The following PEX6 variants were observed in gnomAD, a reference collection of about 807,000 sequenced individuals.
PEX6 encodes peroxisomal biogenesis factor 6.
Under a neutral mutation model 85.6 loss-of-function variants are expected in PEX6, and 55 were observed. The ratio of observed to expected loss-of-function variants is 0.64; its 90% CI spans 0.52 to 0.80. The LOEUF is 0.80. Ranked by LOEUF, PEX6 falls within the 30% of genes least tolerant of loss-of-function variation. The pLI, the probability that PEX6 is intolerant of heterozygous loss-of-function variation, is 0.00. For synonymous variants in PEX6, 519 were observed against 549.1 expected (o/e 0.95, Z 0.77); for missense variants, 1,099 against 1,260.3 (o/e 0.87, Z 1.94).
chr6:42,978,762 G>A lies in PEX6; in HGVS notation c.389C>T (p.Thr130Ile). Residue 130 changes from threonine to isoleucine, a missense_variant, in exon 1 of 17, where the codon ACC becomes ATC. Physicochemically the swap from Thr to Ile is moderately conservative, Grantham distance 89. This residue lies in a region of PEX6 where 579 missense variants were observed against 611.6 expected (regional missense o/e 0.95). Transcript: ENST00000304611. Reference sequence around the variant, plus strand: ...CACCCGCGGTCCGGGCACTGGGAGGGTCTCTCCGCGCCTCACCAGCAGCGG... The same window carrying A: ...CACCCGCGGTCCGGGCACTGGGAGGATCTCTCCGCGCCTCACCAGCAGCGG... The part of the protein sequence containing the change: ...VGPLLVRRGE[T>I]LPVPGPRVLE... 1.3e-6 allele frequency: 2 copies of A among 1,534,812 alleles called. No homozygotes were observed. The highest frequency in any genetic ancestry group is 1.7e-6 in the Non-Finnish European group (2 of 1,146,644).
chr6:42,969,153 C>T lies in PEX6; in HGVS notation c.1368-168G>A, dbSNP rs552854325. Among the ~76,000 whole-genome samples the T allele has an allele frequency of 3.0e-4, 46 of 152,370 alleles. No individual in the cohort carries two copies. The East Asian group carries it at 8.7e-3, about 29-fold the overall frequency. ...CCATGTAGTGAGGCTGTGTCTCCCACACCACCTGCGGTGCTCTGGCCGGGG... is the reference window on the plus strand; with the variant it reads ...CCATGTAGTGAGGCTGTGTCTCCCATACCACCTGCGGTGCTCTGGCCGGGG... On this transcript the variant is annotated intron_variant, in intron 5 of 16. Transcript: ENST00000304611.
chr6:42,965,776 G>A lies in PEX6; in HGVS notation c.2376C>T (p.Ala792=), dbSNP rs1482565424. The A allele has an allele frequency of 6.2e-7, 1 of 1,613,744 alleles. No homozygotes were observed. Among genetic ancestry groups the A allele is most frequent in the African/African-American group, 1.3e-5 (1 of 74,898 alleles). The stretch of plus-strand genomic sequence containing the variant: ...AGATAATGCATGGAGCTGCAGCCCT[G>A]GCCCTGGCAAACACTGAAGAGAGAG... The part of the protein sequence containing the change: ...EENVREVFAR[A]RAAAPCIIFF... The change falls in exon 13 of 17, where the codon GCC becomes GCT. Residue 792 remains alanine (A), a synonymous_variant. Transcript: ENST00000304611. The surrounding 1 kb of genome is among the most constrained non-coding windows in gnomAD (Gnocchi z 5.0).
In PEX6 at chr6:42,965,408, C is replaced by T. The variant is rs1320034765; in HGVS notation, c.2472-40G>A. 1 of 1,426,700 alleles carries T rather than the reference C, an allele frequency of 7.0e-7. No individual in the cohort carries two copies. Among genetic ancestry groups the T allele is most frequent in the East Asian group, 2.3e-5 (1 of 43,972 alleles). 88.4% of individuals were successfully genotyped at this position (1,426,700 alleles called of 1,614,324 possible). Reference sequence around the variant, plus strand: ...GCAAGGGCAAGAGTCCTTGGTGTCCCCCTTAGACTCTGCCCCTGCCTGTGG... The same window carrying T: ...GCAAGGGCAAGAGTCCTTGGTGTCCTCCTTAGACTCTGCCCCTGCCTGTGG... On this transcript the variant is annotated intron_variant, in intron 13 of 16. Transcript: ENST00000304611. The surrounding 1 kb of genome is among the most constrained non-coding windows in gnomAD (Gnocchi z 5.0).
In PEX6 at chr6:42,965,974, G is replaced by C; in HGVS notation, c.2362+70C>G. 6 of 1,525,050 alleles carry C rather than the reference G, an allele frequency of 3.9e-6. No individual in the cohort carries two copies. Among genetic ancestry groups the C allele is most frequent in the Non-Finnish European group, 5.5e-6 (6 of 1,100,640 alleles). The allele number at this position is 1,525,050 out of a possible 1,614,324, so 94.5% of individuals were successfully genotyped here. ...AGGAATGATCATGAGTAGCCTGGGA[G>C]TAGGGGGTGGCTTGGGGGCCATCGG... On this transcript the variant is annotated intron_variant, in intron 12 of 16. Coordinates refer to ENST00000304611, the MANE Select transcript of PEX6 (RefSeq NM_000287.4). The surrounding 1 kb of genome is among the most constrained non-coding windows in gnomAD (Gnocchi z 5.0).
intron 3 of PEX6, among the ~76,000 whole-genome samples, chr6:42,973,417 G>A (rs896532612): frequency 6.6e-6 from 1 of 151,800 alleles, no homozygotes; most frequent in Non-Finnish European, 1.5e-5. Flanking sequence ...CTTGTTTTTT[G>A]AGACAGTGTC....
chr6:42,974,906 C>T lies in PEX6; in HGVS notation c.1015G>A (p.Gly339Ser), dbSNP rs761781513. The change falls in exon 2 of 17, where the codon GGT becomes AGT. Residue 339 changes from glycine (G) to serine (S), a missense_variant. This residue lies in a region of PEX6 where 579 missense variants were observed against 611.6 expected (regional missense o/e 0.95). Transcript: ENST00000304611. ...ATCTGAAAGTGCCGGTAAAGAACACCGTCATAATTTCCATTAGTGCTGTAG... is the reference window on the plus strand; with the variant it reads ...ATCTGAAAGTGCCGGTAAAGAACACTGTCATAATTTCCATTAGTGCTGTAG... The part of the protein sequence containing the change: ...PHYSTNGNYD[G>S]VLYRHFQIPR... 45 of 1,613,784 alleles carry T rather than the reference C, an allele frequency of 2.8e-5. No individual in the cohort carries two copies. Among genetic ancestry groups the T allele is most frequent in the Non-Finnish European group, 3.7e-5 (44 of 1,179,926 alleles).
intron 1 of PEX6, among the ~76,000 whole-genome samples, chr6:42,975,927 C>T (rs2150236906): frequency 6.6e-6 from 1 of 152,178 alleles, no homozygotes. Context: ...TCTCGCTTGT[C>T]ACCCAGGCTG....
chr6:42,976,073 T>C (rs1361528557), intron 1 of PEX6, among the ~76,000 whole-genome samples: 2 of 151,964 alleles, frequency 1.3e-5, no homozygotes, highest in African/African-American at 4.8e-5. Flanking sequence ...TTTGTATTTT[T>C]AGTAGAGACG....
rs1769940172 is a variant in PEX6, at chr6:42,968,727, G to C, written c.1479+147C>G. The C allele has an allele frequency of 3.0e-5, 23 of 779,404 alleles. No individual in the cohort carries two copies. The South Asian group carries it at 3.3e-4, about 11-fold the overall frequency. 48.3% of individuals were successfully genotyped at this position (779,404 alleles called of 1,614,324 possible). ...CTTGAAAGTACCTCTCCATAGCTCA[G>C]CATCATGGGAATATGCCTGACCCAC... On this transcript the variant is annotated intron_variant, in intron 6 of 16. Coordinates refer to ENST00000304611, the MANE Select transcript of PEX6 (RefSeq NM_000287.4).
Position 42,965,449 on chromosome 6 carries a change from G to T in PEX6, c.2472-81C>A, listed in dbSNP as rs1769738536. ...CTGCCTGTGGTACCTCTCTTTACAG[G>T]CAGTCTCAACAGGGCCCTCCACTCA... On this transcript the variant is annotated intron_variant, in intron 13 of 16. Transcript: ENST00000304611. The surrounding 1 kb of genome is among the most constrained non-coding windows in gnomAD (Gnocchi z 5.0). 1.8e-6 allele frequency: 2 copies of T among 1,135,544 alleles called. No individual in the cohort carries two copies. Among genetic ancestry groups the T allele is most frequent in the Non-Finnish European group, 2.7e-6 (2 of 747,068 alleles). The allele number at this position is 1,135,544 out of a possible 1,614,324, so 70.3% of individuals were successfully genotyped here.
Position 42,978,332 on chromosome 6 carries a change from G to T in PEX6, c.819C>A (p.Val273=), listed in dbSNP as rs748814053. ...CAAGATTAAAAGCCAAAGTGGCAGGGACAAGCGCCAGTCCGTCAGCGAGGG... is the reference window on the plus strand; with the variant it reads ...CAAGATTAAAAGCCAAAGTGGCAGGTACAAGCGCCAGTCCGTCAGCGAGGG... ...GEPLADGLAL[V]PATLAFNLGC... Residue 273 remains valine, a synonymous_variant, in exon 1 of 17, where the codon GTC becomes GTA. Transcript: ENST00000304611. 6.2e-7 allele frequency: 1 copy of T among 1,614,192 alleles called. No individual in the cohort carries two copies. Among genetic ancestry groups the T allele is most frequent in the Non-Finnish European group, 8.5e-7 (1 of 1,180,032 alleles).
At chr6:42,973,156 T>G (rs1770127412) in intron 3 of PEX6, among the ~76,000 whole-genome samples, 1 of 152,030 alleles carries the variant, frequency 6.6e-6, no homozygotes, top group Admixed American at 6.6e-5. Context: ...GGATTACAGA[T>G]GCCCACCATC....
chr6:42,965,805 G>C lies in PEX6; in HGVS notation c.2363-16C>G. On this transcript the variant is annotated splice_polypyrimidine_tract_variant and intron_variant, in intron 12 of 16. Coordinates refer to ENST00000304611, the MANE Select transcript of PEX6 (RefSeq NM_000287.4). This position sits in a 1 kb window ranked among gnomAD's most constrained non-coding sequence, Gnocchi z 5.0. ...CTGGCAAACACTGAAGAGAGAGAGG[G>C]GCCCACAGGAGGGCAAAGCTCGGCT... 2 of 1,604,428 alleles carry C rather than the reference G, an allele frequency of 1.2e-6. No individual in the cohort carries two copies. The highest frequency in any genetic ancestry group is 1.7e-6 in the Non-Finnish European group (2 of 1,171,428).
At chr6:42,973,881 C>A (rs1770157471) in intron 3 of PEX6, 122 bp downstream of exon 3, 1 of 743,994 alleles carries the variant, frequency 1.3e-6, no homozygotes, top group Non-Finnish European at 2.4e-6. Context: ...CACGCACACA[C>A]AAAATACATG....
In PEX6 at chr6:42,966,642, C is replaced by G. The variant is rs1171907716; in HGVS notation, c.1977G>C (p.Leu659Phe). Residue 659 changes from leucine (L) to phenylalanine (F), a missense_variant, in exon 10 of 17, where the codon TTG becomes TTC. Coordinates refer to ENST00000304611, the MANE Select transcript of PEX6 (RefSeq NM_000287.4). ...ACAGCTCCCCCTCATCCTCCTCAGT[C>G]AAGCCACCTGCCAAACTGCAAAGAG... ...RIKNSGLAGG[L>F]TEEDEGELCA... 1 of 1,614,052 alleles carries G rather than the reference C, an allele frequency of 6.2e-7. No individual in the cohort carries two copies. Among genetic ancestry groups the G allele is most frequent in the Non-Finnish European group, 8.5e-7 (1 of 1,180,040 alleles).
intron 2 of PEX6, among the ~76,000 whole-genome samples, 191 bp from the exon 3 acceptor site, chr6:42,974,277 G>A (rs1770177693): frequency 6.6e-6 from 1 of 152,046 alleles, no homozygotes; most frequent in Admixed American, 6.6e-5. Flanking sequence ...CTAGAAAGGG[G>A]GATCAGAGAC....
rs376605111 is a variant in PEX6 at position 42,969,734 on chromosome 6, G to A, written c.1301C>T (p.Ser434Phe). ...CACCAAGGCCTCCAGGCCTGGAGGAGACAAACTGCTCCAGAGAGTGGATTC... is the reference window on the plus strand; with the variant it reads ...CACCAAGGCCTCCAGGCCTGGAGGAAACAAACTGCTCCAGAGAGTGGATTC... ...SEESTLWSSLSPPGLEALVSE... is the reference protein window; with the variant it reads ...SEESTLWSSLFPPGLEALVSE... The change falls in exon 5 of 17, where the codon TCT (serine) becomes TTT (phenylalanine). Residue 434 changes from serine (S) to phenylalanine (F), a missense_variant. Ser to Phe is a radical substitution (Grantham distance 155). Coordinates refer to ENST00000304611, the MANE Select transcript of PEX6 (RefSeq NM_000287.4). The A allele has an allele frequency of 1.9e-6, 3 of 1,613,660 alleles. No homozygotes were observed. Among genetic ancestry groups the A allele is most frequent in the African/African-American group, 1.3e-5 (1 of 74,912 alleles).
In PEX6 at chr6:42,965,133, C is replaced by A. The variant is rs936656890; in HGVS notation, c.2608G>T (p.Val870Leu). The A allele has an allele frequency of 6.2e-7, 1 of 1,614,230 alleles. No individual in the cohort carries two copies. The highest frequency in any genetic ancestry group is 1.1e-5 in the South Asian group (1 of 91,088). ...GAGGCCCGGTCCTCATTTGCCCCCA[C>A]AAACACCAGCTTGTCAAATCTTTAG... ...RPGRFDKLVFVGANEDRASQL... is the reference protein window; with the variant it reads ...RPGRFDKLVFLGANEDRASQL... Residue 870 changes from valine (V) to leucine (L), a missense_variant, in exon 15 of 17, where the codon GTG becomes TTG. Around this residue, in one of 3 missense-constraint regions of PEX6, gnomAD observed 514 missense variants for 627.0 expected, o/e 0.82. Coordinates refer to ENST00000304611, the MANE Select transcript of PEX6 (RefSeq NM_000287.4). This position sits in a 1 kb window ranked among gnomAD's most constrained non-coding sequence, Gnocchi z 5.0.
In PEX6 at chr6:42,975,046, A is replaced by G. The variant is rs777174653; in HGVS notation, c.883-8T>C. The G allele has an allele frequency of 3.9e-5, 63 of 1,609,974 alleles. No homozygotes were observed. The highest frequency in any genetic ancestry group is 5.3e-5 in the Non-Finnish European group (62 of 1,178,108). ...GGAGCCTTCCAAGTACCTCTATTAG[A>G]GAAATAACCACCACGTTATAACCTT... is the stretch of plus-strand genomic sequence containing the variant. On this transcript the variant is annotated splice_polypyrimidine_tract_variant and splice_region_variant and intron_variant, in intron 1 of 16. Coordinates refer to ENST00000304611, the MANE Select transcript of PEX6 (RefSeq NM_000287.4).
Sources: allele counts gnomAD v4.1 joint callset (sites outside exome capture counted in the v4.1 genomes callset), GRCh38; gene constraint gnomAD v4.1.1; regional missense constraint gnomAD v4.1.1; non-coding constraint Gnocchi (gnomAD v3.1); transcripts MANE v1.5; gene names NCBI Gene and HGNC (gene_info 2026-07-23, HGNC 2026-07-21).